ARFGEF1: variants seen among roughly 807,000 people sequenced by gnomAD.
ARFGEF1 encodes ARF guanine nucleotide exchange factor 1.
Under a neutral mutation model 231.0 loss-of-function variants are expected in ARFGEF1, and 42 were observed. The ratio of observed to expected loss-of-function variants is 0.18; its 90% CI spans 0.14 to 0.24. ARFGEF1 has a LOEUF of 0.24. Among genes scored for constraint, ARFGEF1 ranks in the 10% least tolerant of loss-of-function variants. The pLI, the probability that ARFGEF1 is intolerant of heterozygous loss-of-function variation, is 1.00. For synonymous variants in ARFGEF1, 710 were observed against 732.3 expected (o/e 0.97, Z 0.49); for missense variants, 1,345 against 2,192.0 (o/e 0.61, Z 7.72).
chr8:67,343,536 C>T lies in ARFGEF1; in HGVS notation c.-249G>A. 8.6e-7 allele frequency: 1 copy of T among 1,160,100 alleles called. No homozygotes were observed. 71.9% of individuals were successfully genotyped at this position (1,160,100 alleles called of 1,614,324 possible). On this transcript the variant is annotated 5_prime_UTR_variant, in exon 1 of 39. Coordinates refer to ENST00000262215, the MANE Select transcript of ARFGEF1 (RefSeq NM_006421.5). ...TCGAGGGCCGCGCCCGTCGGGCCTC[C>T]GCTTCTCCCGGCCCGGGGGTCGCGT...
In ARFGEF1 at chr8:67,302,453, C is replaced by A; in HGVS notation, c.138G>T (p.Ala46=). 6.4e-7 allele frequency: 1 copy of A among 1,570,196 alleles called. No homozygotes were observed. Among genetic ancestry groups the A allele is most frequent in the Non-Finnish European group, 8.6e-7 (1 of 1,162,488 alleles). Residue 46 remains alanine, a synonymous_variant, in exon 2 of 39, where the codon GCG becomes GCT. Transcript: ENST00000262215. ...ACEVALEEIK[A]ETEKQSPPHG... Reference sequence around the variant, plus strand: ...CCACAAACCTCTGTTTTTCAGTTTCCGCTTTTATTTCCTCTGAGGGGAAAA... The same window carrying A: ...CCACAAACCTCTGTTTTTCAGTTTCAGCTTTTATTTCCTCTGAGGGGAAAA...
At chr8:67,176,660 T>A (rs1831718652) in intron 5 of ARFGEF1, among the ~76,000 whole-genome samples, 1 of 152,138 alleles carries the variant, frequency 6.6e-6, no homozygotes, top group Non-Finnish European at 1.5e-5. Flanking sequence ...TTAGACTGAT[T>A]AGCCCACAAG....
intron 13 of ARFGEF1, 118 bp from the exon 14 acceptor site, chr8:67,266,325 T>C (rs891844847): frequency 1.4e-6 from 1 of 722,288 alleles, no homozygotes; most frequent in Admixed American, 2.8e-5. Context: ...ATCTATTTAA[T>C]ACAAAATAAC....
intron 33 of ARFGEF1, among the ~76,000 whole-genome samples, chr8:67,214,058 A>G (rs1234797908): frequency 6.6e-6 from 1 of 152,238 alleles, no homozygotes; most frequent in Non-Finnish European, 1.5e-5. Flanking sequence ...TGATAGGGAA[A>G]CACCTACATT....
At chr8:67,330,129 A>G (rs1011688283) in intron 1 of ARFGEF1, among the ~76,000 whole-genome samples, 4 of 152,140 alleles carry the variant, frequency 2.6e-5, no homozygotes, top group Non-Finnish European at 5.9e-5. Flanking sequence ...TAATAGTGAC[A>G]ATTTTGAGAA....
At chr8:67,343,105 G>GGGGC in intron 1 of ARFGEF1, 59 bp downstream of exon 1, 1 of 483,914 alleles carries the variant, frequency 2.1e-6, no homozygotes, top group South Asian at 3.8e-5. Flanking sequence ...CCCCCCACAG[G>GGGGC]CGCCCCCCTC....
intron 5 of ARFGEF1, among the ~76,000 whole-genome samples, chr8:67,181,338 ATT>A (rs58029238): frequency 0.09 from 10,165 of 112,496 alleles, 791 homozygotes; most frequent in African/African-American, 0.23. Flanking sequence ...GTACCTGGCC[ATT>A]TTTTTTTTTT....
chr8:67,270,734 A>C (rs1256027485), intron 10 of ARFGEF1, among the ~76,000 whole-genome samples: 7 of 130,500 alleles, frequency 5.4e-5, no homozygotes, highest in South Asian at 2.4e-4. Context: ...AAAAAAAAAA[A>C]CCACATAAAG....
chr8:67,197,451 A>G (rs1185533555), downstream of ARFGEF1, among the ~76,000 whole-genome samples: 6 of 152,216 alleles, frequency 3.9e-5, no homozygotes, highest in African/African-American at 1.4e-4. Context: ...CCGGTCTCTA[A>G]AAGATAAATA....
rs777857402 is a variant in ARFGEF1, at chr8:67,227,144, G to A, written c.3909C>T (p.His1303=). ...AGCTAAGAGAATACTCACTGACAAT[G>A]TGCCCGGTTGTTTGGAATGCAAGTT... ...IVELAFQTTG[H]IVTLVFEKHF... is the part of the protein sequence containing the mutation. Residue 1303 remains histidine (H), a synonymous_variant, in exon 27 of 39, where the codon CAC becomes CAT. Transcript: ENST00000262215. 5 of 1,609,788 alleles carry A rather than the reference G, an allele frequency of 3.1e-6. No homozygotes were observed. The highest frequency in any genetic ancestry group is 4.2e-6 in the Non-Finnish European group (5 of 1,177,658).
intron 1 of ARFGEF1, among the ~76,000 whole-genome samples, chr8:67,333,661 A>G (rs980819228): frequency 2.6e-5 from 4 of 152,154 alleles, no homozygotes; most frequent in Admixed American, 2.6e-4. Flanking sequence ...GCTCCCATGT[A>G]TGTGTGTGTA....
At chr8:67,211,643 A>T (rs1563839251) in intron 33 of ARFGEF1, 28 bp from the exon 34 acceptor site, 1 of 1,334,974 alleles carries the variant, frequency 7.5e-7, no homozygotes, top group East Asian at 2.6e-5. Flanking sequence ...AATCACTGTA[A>T]GTATGGTTAA....
Position 67,190,721 on chromosome 8 carries a change from C to T in ARFGEF1, c.560+9675G>A, listed in dbSNP as rs759630451. 22 of 1,613,680 alleles carry T rather than the reference C, an allele frequency of 1.4e-5. No individual in the cohort carries two copies. Among genetic ancestry groups the T allele is most frequent in the African/African-American group, 6.7e-5 (5 of 74,862 alleles). ...TCCACCATCACAGTTGCCCTCTGCA[C>T]GGGAGCGCAGGAGGAACAAATGGAA... On this transcript the variant is annotated intron_variant, in intron 5 of 5. Transcript: ENST00000518789.
At chr8:67,310,331 G>A (rs576706041) in intron 1 of ARFGEF1, among the ~76,000 whole-genome samples, 47 of 152,322 alleles carry the variant, frequency 3.1e-4, no homozygotes, top group Non-Finnish European at 3.1e-4. Flanking sequence ...GCCCTTAACC[G>A]CGAGTGATCC....
chr8:67,281,128 T>C (rs1805517101), intron 7 of ARFGEF1, among the ~76,000 whole-genome samples: 1 of 151,656 alleles, frequency 6.6e-6, no homozygotes, highest in Non-Finnish European at 1.5e-5. Context: ...CTAAAAAATA[T>C]TTGCAAAATG....
intron 34 of ARFGEF1, 138 bp from the exon 35 acceptor site, chr8:67,204,957 A>G (rs1838458881): frequency 1.0e-6 from 1 of 1,001,960 alleles, no homozygotes; most frequent in Non-Finnish European, 1.4e-6. Flanking sequence ...CTGCTTTTGC[A>G]CACAGGCACT....
chr8:67,300,617 G>A (rs1172358139), intron 3 of ARFGEF1, among the ~76,000 whole-genome samples: 2 of 137,454 alleles, frequency 1.5e-5, no homozygotes, highest in East Asian at 2.2e-4. Context: ...GAGGTCAGGA[G>A]TTCAAGACCA....
intron 19 of ARFGEF1, among the ~76,000 whole-genome samples, chr8:67,240,753 A>G (rs1470611266): frequency 6.6e-6 from 1 of 152,206 alleles, no homozygotes; most frequent in Admixed American, 6.5e-5. Flanking sequence ...TTTAAAAAAT[A>G]GTTAAATATT....
At chr8:67,176,847 G>A (rs369350925) in intron 5 of ARFGEF1, among the ~76,000 whole-genome samples, 3 of 152,000 alleles carry the variant, frequency 2.0e-5, no homozygotes, top group African/African-American at 4.8e-5. Flanking sequence ...TGAAGTGGGC[G>A]GATCATGAGG....
Sources: allele counts gnomAD v4.1 joint callset (sites outside exome capture counted in the v4.1 genomes callset), GRCh38; gene constraint gnomAD v4.1.1; transcripts MANE v1.5; gene names NCBI Gene and HGNC (gene_info 2026-07-23, HGNC 2026-07-21).